The following KLHDC4 variants were observed in gnomAD, a reference collection of about 807,000 sequenced individuals.
KLHDC4 encodes kelch domain containing 4.
Under a neutral mutation model 62.4 loss-of-function variants are expected in KLHDC4, and 90 were observed. The ratio of observed to expected loss-of-function variants is 1.44; its 90% confidence interval spans 1.22 to 1.72. The LOEUF is 1.72. Among genes scored for constraint, KLHDC4 ranks in the 40% most tolerant of loss-of-function variants. The pLI is 0.00. For missense variants in KLHDC4, 1,025 were observed against 699.7 expected, an observed-to-expected ratio of 1.47 and a Z score of -5.25; for synonymous variants, 386 against 284.4, an observed-to-expected ratio of 1.36 and a Z score of -3.59.
In KLHDC4 at chr16:87,709,479, G is replaced by T; in HGVS notation, c.1233C>A (p.Pro411=). ...VLTAPGSAGQ[P]RSEDEDSLEE... ...CAAGGCTGTCTTCGTCCTCAGACCG[G>T]GGCTGCCCCGCCGAGCCTGGCGCGG... The change falls in exon 10 of 12, where the codon CCC becomes CCA. Residue 411 remains proline (P), a synonymous_variant. Transcript: ENST00000270583. 5 of 1,611,348 alleles carry T rather than the reference G, an allele frequency of 3.1e-6. No individual in the cohort carries two copies. The highest frequency in any genetic ancestry group is 1.1e-5 in the South Asian group (1 of 91,052).
intron 5 of KLHDC4, among the ~76,000 whole-genome samples, chr16:87,739,310 C>T (rs1171139803): frequency 4.3e-5 from 5 of 116,044 alleles, no homozygotes; most frequent in South Asian, 3.4e-4. Context: ...CACACCAGCA[C>T]CTCATCCATC....
At chr16:87,747,345 TAAAC>T (rs534490780) in intron 5 of KLHDC4, among the ~76,000 whole-genome samples, 131 of 152,244 alleles carry the variant, frequency 8.6e-4, no homozygotes, top group African/African-American at 3.1e-3. Flanking sequence ...TTGCCAAAGA[TAAAC>T]AAGCAAATCA....
intron 4 of KLHDC4, among the ~76,000 whole-genome samples, chr16:87,749,094 T>G (rs923712981): frequency 6.6e-6 from 1 of 151,516 alleles, no homozygotes; most frequent in African/African-American, 2.4e-5. Context: ...CCCATTAAAG[T>G]GGACACAGCT....
At chr16:87,746,773 G>A (rs963061498) in intron 5 of KLHDC4, among the ~76,000 whole-genome samples, 5 of 152,106 alleles carry the variant, frequency 3.3e-5, no homozygotes, top group Admixed American at 6.5e-5. Flanking sequence ...GCCAAGAATC[G>A]CAACTACATT....
chr16:87,744,646 A>G (rs191830889), intron 5 of KLHDC4, among the ~76,000 whole-genome samples: 9 of 152,348 alleles, frequency 5.9e-5, no homozygotes, highest in African/African-American at 1.9e-4. Context: ...AATACATGAA[A>G]AAAGCAAAGA....
chr16:87,754,944 G>C (rs1322571039), intron 4 of KLHDC4, among the ~76,000 whole-genome samples: 14 of 152,194 alleles, frequency 9.2e-5, no homozygotes, highest in Admixed American at 9.2e-4. Context: ...GACACACCAG[G>C]AACGACACGA....
rs116138733 is a variant in KLHDC4 at position 87,714,770 on chromosome 16, T to C, written c.760-197A>G. 7.7e-3 allele frequency among the ~76,000 whole-genome samples: 1,172 copies of C among 152,292 alleles called. 20 individuals are homozygous for C. Among genetic ancestry groups the C allele is most frequent in the African/African-American group, 0.027 (1,139 of 41,562 alleles). On this transcript the variant is annotated intron_variant, in intron 7 of 11. Transcript: ENST00000270583. ...AGGCTTTATCCCCCAAATGGGTCCATCTGAAGAGGCCACCTTTCTAATGGC... is the reference window on the plus strand; with the variant it reads ...AGGCTTTATCCCCCAAATGGGTCCACCTGAAGAGGCCACCTTTCTAATGGC...
At chr16:87,737,106 C>CA (rs55787836) in intron 5 of KLHDC4, among the ~76,000 whole-genome samples, 5,097 of 64,606 alleles carry the variant, frequency 0.079, 916 homozygotes, top group African/African-American at 0.25. Context: ...GCCTGGGCGA[C>CA]AAAAAAAAAA....
intron 5 of KLHDC4, among the ~76,000 whole-genome samples, chr16:87,736,334 G>T (rs897074765): frequency 6.6e-6 from 1 of 152,164 alleles, no homozygotes; most frequent in African/African-American, 2.4e-5. Context: ...CAGTATGTAT[G>T]GTCCGTCGTG....
chr16:87,718,809 G>A (rs1333126613), intron 7 of KLHDC4, among the ~76,000 whole-genome samples: 1 of 151,664 alleles, frequency 6.6e-6, no homozygotes, highest in Non-Finnish European at 1.5e-5. Flanking sequence ...CCCATCGTCT[G>A]AGATGTGGGG....
intron 8 of KLHDC4, among the ~76,000 whole-genome samples, chr16:87,711,924 C>T (rs2035945469): frequency 8.6e-6 from 1 of 116,050 alleles, no homozygotes; most frequent in Non-Finnish European, 1.6e-5. Context: ...CCTGTGCCAG[C>T]CCCCCTTGGG....
intron 5 of KLHDC4, chr16:87,730,919 T>C (rs759614918): frequency 1.7e-5 from 5 of 296,022 alleles, no homozygotes; most frequent in Non-Finnish European, 2.5e-5. Context: ...CATTATAAAC[T>C]GGACTCCGCC....
At chr16:87,751,344 T>C (rs2115397) in intron 4 of KLHDC4, among the ~76,000 whole-genome samples, 39,194 of 151,936 alleles carry the variant, frequency 0.26, 5,423 homozygotes, top group South Asian at 0.45. Flanking sequence ...CGTGGTGGCA[T>C]GCGCCTGTAA....
chr16:87,745,582 A>C (rs2042917735), intron 5 of KLHDC4, among the ~76,000 whole-genome samples: 1 of 152,274 alleles, frequency 6.6e-6, no homozygotes, highest in Admixed American at 6.5e-5. Flanking sequence ...CTTGCTCAGA[A>C]AACCTTAGCT....
chr16:87,714,879 G>A (rs1377132111), intron 7 of KLHDC4, among the ~76,000 whole-genome samples: 1 of 152,134 alleles, frequency 6.6e-6, no homozygotes, highest in Non-Finnish European at 1.5e-5. Context: ...ACCACCACAG[G>A]GGCCTCTGAT....
At position 87,756,407 on chromosome 16, in the gene KLHDC4, C is replaced by T. The variant is rs368139898; in HGVS notation, c.262G>A (p.Gly88Ser). The T allele has an allele frequency of 1.1e-5, 17 of 1,610,776 alleles. No individual in the cohort carries two copies. The highest frequency in any genetic ancestry group is 8.9e-5 in the East Asian group (4 of 44,884). ...LILFGGEYFN[G>S]QKTFLYNELY... ...AAAAATATATACTTTACTTTTTGGCCGTTGAAATATTCACCTCCAAAAAGG... is the reference window on the plus strand; with the variant it reads ...AAAAATATATACTTTACTTTTTGGCTGTTGAAATATTCACCTCCAAAAAGG... The change falls in exon 3 of 12, where the codon GGC becomes AGC. Residue 88 changes from glycine (G) to serine (S), a missense_variant. Gly to Ser is a moderately conservative substitution (Grantham distance 56, BLOSUM62 0). Coordinates refer to ENST00000270583, the MANE Select transcript of KLHDC4 (RefSeq NM_017566.4).
chr16:87,721,217 G>C (rs1461364293), intron 7 of KLHDC4, among the ~76,000 whole-genome samples: 1 of 152,192 alleles, frequency 6.6e-6, no homozygotes, highest in South Asian at 2.1e-4. Context: ...TCAGGAGATC[G>C]AGACCATCCT....
chr16:87,735,212 A>G (rs1419130514), intron 5 of KLHDC4, among the ~76,000 whole-genome samples: 1 of 151,012 alleles, frequency 6.6e-6, no homozygotes, highest in African/African-American at 2.4e-5. Context: ...AGGCAGGAGA[A>G]TGGCGTGAAC....
intron 5 of KLHDC4, among the ~76,000 whole-genome samples, chr16:87,744,563 A>G (rs1567781133): frequency 6.6e-6 from 1 of 151,004 alleles, no homozygotes; most frequent in Non-Finnish European, 1.5e-5. Context: ...AGCCTGGGCA[A>G]CAGAGCTAGA....
Sources: gnomAD v4.1 joint callset for allele counts (sites outside exome capture counted in the v4.1 genomes callset) on GRCh38, gnomAD v4.1.1 for gene constraint, MANE v1.5 for transcripts, NCBI Gene and HGNC (gene_info 2026-07-23, HGNC 2026-07-21) for gene names.